WDPCP: variants seen among roughly 807,000 people sequenced by gnomAD.
The protein encoded by WDPCP is WD repeat containing planar cell polarity effector.
Under a neutral mutation model 93.1 loss-of-function variants are expected in WDPCP, and 71 were observed. The observed-to-expected ratio is 0.76, with a 90% CI of 0.63 to 0.93. The LOEUF (loss-of-function observed/expected upper bound fraction) is 0.93. Ranked by LOEUF, WDPCP falls within the 40% of genes least tolerant of loss-of-function variation. The pLI, the probability that WDPCP is intolerant of heterozygous loss-of-function variation, is 0.00. For missense variants in WDPCP, 844 were observed against 887.4 expected (o/e 0.95, Z 0.62); for synonymous variants, 315 against 315.0 (o/e 1.00, Z 0.00).
intron 13 of WDPCP, among the ~76,000 whole-genome samples, chr2:63,263,172 C>T (rs1681794472): frequency 6.6e-6 from 1 of 152,264 alleles, no homozygotes; most frequent in East Asian, 1.9e-4. Context: ...TATATCACCT[C>T]TCAAGTGGCT....
intron 12 of WDPCP, among the ~76,000 whole-genome samples, chr2:63,358,759 A>T (rs371597840): frequency 6.6e-6 from 1 of 152,130 alleles, no homozygotes; most frequent in Non-Finnish European, 1.5e-5. Flanking sequence ...ATGGCCTCCA[A>T]TGCTCTCTTA....
At chr2:63,178,271 T>C (rs1216302321) in intron 14 of WDPCP, among the ~76,000 whole-genome samples, 1 of 152,066 alleles carries the variant, frequency 6.6e-6, no homozygotes, top group East Asian at 1.9e-4. Context: ...TTTGGAAGAG[T>C]TTGAGGAGAA....
chr2:63,332,631 T>C (rs1449563791), intron 12 of WDPCP, among the ~76,000 whole-genome samples: 1 of 152,234 alleles, frequency 6.6e-6, no homozygotes, highest in Non-Finnish European at 1.5e-5. Flanking sequence ...GATACAATAC[T>C]CTAATCAGAT....
At chr2:63,313,910 T>G in intron 12 of WDPCP, among the ~76,000 whole-genome samples, 1 of 11,032 alleles carries the variant, frequency 9.1e-5, no homozygotes, top group Non-Finnish European at 1.3e-4. Context: ...GGAGATGGAG[T>G]CTCGCTCTGT....
chr2:63,790,281 C>A (rs1670527306), intron 2 of WDPCP, among the ~76,000 whole-genome samples: 1 of 152,136 alleles, frequency 6.6e-6, no homozygotes, highest in African/African-American at 2.4e-5. Flanking sequence ...GTATAACAAT[C>A]GATAAATTCA....
chr2:63,746,180 C>G (rs967131880), intron 2 of WDPCP, among the ~76,000 whole-genome samples: 1 of 152,138 alleles, frequency 6.6e-6, no homozygotes, highest in East Asian at 1.9e-4. Flanking sequence ...TTTCTTACAC[C>G]TGTCTTTACT....
intron 2 of WDPCP, among the ~76,000 whole-genome samples, chr2:63,762,673 C>T (rs879796241): frequency 1.3e-5 from 2 of 152,174 alleles, no homozygotes; most frequent in Non-Finnish European, 2.9e-5. Flanking sequence ...GCTGAGTGTA[C>T]TAACATGCTA....
intron 3 of WDPCP, among the ~76,000 whole-genome samples, chr2:63,617,400 T>C (rs1023464539): frequency 5.9e-5 from 9 of 152,210 alleles, no homozygotes; most frequent in African/African-American, 2.2e-4. Flanking sequence ...TATACCCTTC[T>C]AGGTTCTGTG....
At chr2:63,814,013 T>C (rs1446202721) in intron 1 of WDPCP, among the ~76,000 whole-genome samples, 1 of 152,238 alleles carries the variant, frequency 6.6e-6, no homozygotes, top group Non-Finnish European at 1.5e-5. Context: ...TAAGAACTTC[T>C]GTTTCTGAAC....
intron 1 of WDPCP, among the ~76,000 whole-genome samples, chr2:63,539,603 T>G (rs966478418): frequency 6.6e-6 from 1 of 151,986 alleles, no homozygotes; most frequent in African/African-American, 2.4e-5. Context: ...CGAGAAGCAT[T>G]TGAACTTGGG....
intron 1 of WDPCP, among the ~76,000 whole-genome samples, chr2:63,495,462 T>A (rs1701166690): frequency 2.0e-5 from 3 of 152,230 alleles, no homozygotes; most frequent in Non-Finnish European, 2.9e-5. Flanking sequence ...TGTATTAGAA[T>A]AAGTAAACTG....
intron 2 of WDPCP, among the ~76,000 whole-genome samples, chr2:63,785,369 G>A (rs1670452271): frequency 6.6e-6 from 1 of 152,070 alleles, no homozygotes; most frequent in African/African-American, 2.4e-5. Flanking sequence ...CTGGTGTGGA[G>A]AGCTGAACTC....
Position 63,824,957 on chromosome 2 carries a change from G to A in WDPCP, n.222+2665C>T, listed in dbSNP as rs560193388. 1.1e-4 allele frequency among the ~76,000 whole-genome samples: 17 copies of A among 152,214 alleles called. No homozygotes were observed. In the East Asian group the frequency reaches 3.1e-3, roughly 28 times the overall value. The stretch of plus-strand genomic sequence containing the variant: ...ATTGACATTTTCACATAATAAAAAC[G>A]TGAAAGCTGAAAGCAAATTGGGCAA... On this transcript the variant is annotated intron_variant and non_coding_transcript_variant, in intron 1 of 4. Coordinates refer to the WDPCP transcript ENST00000467687.
At chr2:63,260,830 G>T (rs1380381845) in intron 13 of WDPCP, among the ~76,000 whole-genome samples, 2 of 152,214 alleles carry the variant, frequency 1.3e-5, no homozygotes, top group East Asian at 3.8e-4. Context: ...TTACAGGCGT[G>T]AGCCACCAGC....
At chr2:63,297,620 G>T (rs1684970605) in intron 13 of WDPCP, among the ~76,000 whole-genome samples, 1 of 152,142 alleles carries the variant, frequency 6.6e-6, no homozygotes, top group African/African-American at 2.4e-5. Flanking sequence ...TGGATAGAAA[G>T]TTCTACCAAG....
At chr2:63,622,965 G>C (rs1297801712) in intron 3 of WDPCP, 3 of 712,940 alleles carry the variant, frequency 4.2e-6, no homozygotes, top group Admixed American at 2.8e-5. Context: ...CCACCGCACG[G>C]CGCCCAAGCA....
At chr2:63,530,747 C>A (rs1703766573) in intron 1 of WDPCP, among the ~76,000 whole-genome samples, 1 of 152,174 alleles carries the variant, frequency 6.6e-6, no homozygotes, top group Non-Finnish European at 1.5e-5. Flanking sequence ...CAAATAGGAA[C>A]AGCTCCAGGC....
intron 9 of WDPCP, among the ~76,000 whole-genome samples, chr2:63,408,064 G>C (rs771594671): frequency 1.3e-5 from 2 of 152,132 alleles, no homozygotes; most frequent in African/African-American, 2.4e-5. Flanking sequence ...CGAAGAAAAC[G>C]GGGTAAAAAG....
At chr2:63,182,774 CTTTTTTTT>C (rs531449446) in intron 14 of WDPCP, among the ~76,000 whole-genome samples, 31 of 92,252 alleles carry the variant, frequency 3.4e-4, no homozygotes, top group Non-Finnish European at 5.5e-4. Context: ...TGGCCCTGGA[CTTTTTTTT>C]TTTTTTTTTT....
Sources: allele counts gnomAD v4.1 joint callset (sites outside exome capture counted in the v4.1 genomes callset), GRCh38; gene constraint gnomAD v4.1.1; transcripts MANE v1.5; gene names NCBI Gene and HGNC (gene_info 2026-07-23, HGNC 2026-07-21).